ARHGEF37: variants seen among roughly 807,000 people sequenced by gnomAD.
The protein encoded by ARHGEF37 is Rho guanine nucleotide exchange factor 37.
A neutral mutation model predicts 71.1 loss-of-function variants in ARHGEF37; 55 were observed. The ratio of observed to expected loss-of-function variants is 0.77; its 90% CI spans 0.62 to 0.97. ARHGEF37 has a LOEUF of 0.97. Ranked by LOEUF, ARHGEF37 falls within the 50% of genes least tolerant of loss-of-function variation. The pLI is 0.00. For missense variants in ARHGEF37, 765 were observed against 836.8 expected, an observed-to-expected ratio of 0.91 and a Z score of 1.06; for synonymous variants, 327 against 350.6, an observed-to-expected ratio of 0.93 and a Z score of 0.75.
At chr5:149,570,745 G>A (rs544573761) in intron 1 of ARHGEF37, among the ~76,000 whole-genome samples, 2 of 150,760 alleles carry the variant, frequency 1.3e-5, no homozygotes, top group Non-Finnish European at 3.0e-5. Context: ...GCGTGGTGGT[G>A]TGCACCTGTA....
intron 1 of ARHGEF37, among the ~76,000 whole-genome samples, chr5:149,572,437 T>C (rs1580884931): frequency 6.6e-6 from 1 of 152,302 alleles, no homozygotes; most frequent in Non-Finnish European, 1.5e-5. Context: ...GGTTGATGCA[T>C]TTTCAGTTGT....
At chr5:149,570,703 C>T (rs1762952964) in intron 1 of ARHGEF37, among the ~76,000 whole-genome samples, 1 of 150,846 alleles carries the variant, frequency 6.6e-6, no homozygotes, top group Non-Finnish European at 1.5e-5. Context: ...TGGTGAAACC[C>T]CGTCTCTACT....
chr5:149,611,150 T>G (rs1363098335), intron 4 of ARHGEF37, among the ~76,000 whole-genome samples: 1 of 152,198 alleles, frequency 6.6e-6, no homozygotes, highest in Non-Finnish European at 1.5e-5. Context: ...GCTTGGCATC[T>G]AGAGGTCTTA....
chr5:149,625,990 C>T (rs900320010), intron 10 of ARHGEF37, among the ~76,000 whole-genome samples: 1 of 152,200 alleles, frequency 6.6e-6, no homozygotes, highest in African/African-American at 2.4e-5. Flanking sequence ...CTTATACTCA[C>T]ATGCATATCA....
At chr5:149,567,446 A>G (rs1762910725) in intron 1 of ARHGEF37, among the ~76,000 whole-genome samples, 1 of 152,174 alleles carries the variant, frequency 6.6e-6, no homozygotes, top group Non-Finnish European at 1.5e-5. Flanking sequence ...GTGGCAAGGT[A>G]TTTTGAGACT....
At chr5:149,617,599 A>G (rs1173548633) in intron 5 of ARHGEF37, among the ~76,000 whole-genome samples, 1 of 152,262 alleles carries the variant, frequency 6.6e-6, no homozygotes, top group African/African-American at 2.4e-5. Context: ...ACAGTCAGGT[A>G]AAATGAGAGC....
intron 1 of ARHGEF37, among the ~76,000 whole-genome samples, chr5:149,569,173 C>T (rs915959737): frequency 2.0e-5 from 3 of 151,792 alleles, no homozygotes; most frequent in Non-Finnish European, 4.4e-5. Context: ...AAAATTTTGG[C>T]TATTATAAAT....
At position 149,632,550 on chromosome 5, in the gene ARHGEF37, C is replaced by T. The variant is rs561832496; in HGVS notation, c.*359C>T. ...GGCCTGCCTGTGGGCGTGGGTCACA[C>T]GGGATAATGTTACCTGCGTGCTGTG... is the stretch of plus-strand genomic sequence containing the variant. On this transcript the variant is annotated 3_prime_UTR_variant, in exon 13 of 13. Coordinates refer to ENST00000333677, the MANE Select transcript of ARHGEF37 (RefSeq NM_001001669.3). 5 of 266,236 alleles carry T rather than the reference C, an allele frequency of 1.9e-5. No homozygotes were observed. Among genetic ancestry groups the T allele is most frequent in the East Asian group, 1.5e-4 (2 of 13,430 alleles). 16.5% of individuals were successfully genotyped at this position (266,236 alleles called of 1,614,324 possible). A position where few individuals can be genotyped will look rare whatever the true frequency, so the allele number is the denominator to read the frequency against.
rs1381230041 is a variant in ARHGEF37 at position 149,601,199 on chromosome 5, C to A, written c.278C>A (p.Ala93Asp). The A allele has an allele frequency of 6.2e-7, 1 of 1,612,760 alleles. No individual in the cohort carries two copies. The change falls in exon 3 of 13, where the codon GCC becomes GAC. Residue 93 changes from alanine to aspartate, a missense_variant. Ala to Asp is a moderately radical substitution (Grantham distance 126, BLOSUM62 -2). Around this residue, in one of 5 missense-constraint regions of ARHGEF37, gnomAD observed 201 missense variants for 217.5 expected, o/e 0.92. Coordinates refer to ENST00000333677, the MANE Select transcript of ARHGEF37 (RefSeq NM_001001669.3). ...TTCCTCCATGATCTGCAGGAGACAG[C>A]CTCCAAGGAAGAGGAACAAGTGCAG... ...SRFLHDLQET[A>D]SKEEEQVQLV...
At chr5:149,595,175 C>T (rs752012534) in intron 1 of ARHGEF37, among the ~76,000 whole-genome samples, 36 of 151,952 alleles carry the variant, frequency 2.4e-4, no homozygotes, top group Non-Finnish European at 4.1e-4. Flanking sequence ...TTTGTTTGTT[C>T]GTTTGTTTGT....
chr5:149,607,091 C>G (rs186532407), intron 3 of ARHGEF37, among the ~76,000 whole-genome samples: 1 of 152,202 alleles, frequency 6.6e-6, no homozygotes. Context: ...TTAGTAGAGA[C>G]GGGGTTTCGC....
At chr5:149,573,057 C>G (rs1448715453) in intron 1 of ARHGEF37, among the ~76,000 whole-genome samples, 1 of 152,136 alleles carries the variant, frequency 6.6e-6, no homozygotes, top group Non-Finnish European at 1.5e-5. Flanking sequence ...TAGACACATG[C>G]AAAGAGAGAA....
rs745720450 is a variant in ARHGEF37 at position 149,632,153 on chromosome 5, C to T, written c.1990C>T (p.Arg664Trp). ...YVPSGFLARA[R>W]SPVLWGWSLP... ...GCCTTCTGGCTTCTTGGCCAGGGCT[C>T]GGAGCCCAGTTCTGTGGGGCTGGAG... The change falls in exon 13 of 13, where the codon CGG (arginine) becomes TGG (tryptophan). Residue 664 changes from arginine to tryptophan, a missense_variant. Arg to Trp is a moderately radical substitution (Grantham distance 101). This residue lies in a region of ARHGEF37 where 390 missense variants were observed against 407.4 expected (regional missense o/e 0.96). Coordinates refer to ENST00000333677, the MANE Select transcript of ARHGEF37 (RefSeq NM_001001669.3). The T allele has an allele frequency of 2.4e-5, 39 of 1,614,104 alleles. No homozygotes were observed. The highest frequency in any genetic ancestry group is 6.7e-5 in the Admixed American group (4 of 60,012).
At chr5:149,568,738 G>T (rs1762927748) in intron 1 of ARHGEF37, among the ~76,000 whole-genome samples, 1 of 151,256 alleles carries the variant, frequency 6.6e-6, no homozygotes, top group Non-Finnish European at 1.5e-5. Flanking sequence ...CTGGCACCTG[G>T]GAGGCAGAGG....
intron 1 of ARHGEF37, among the ~76,000 whole-genome samples, chr5:149,595,052 G>T (rs1346567357): frequency 6.6e-6 from 1 of 152,216 alleles, no homozygotes; most frequent in African/African-American, 2.4e-5. Context: ...GTTTGTGGTT[G>T]CCAAGGATTA....
At chr5:149,581,169 T>C (rs1313870078), upstream of ARHGEF37, among the ~76,000 whole-genome samples, 1 of 152,164 alleles carries the variant, frequency 6.6e-6, no homozygotes, top group East Asian at 1.9e-4. Context: ...AGCAAAGGTA[T>C]CCAGTAATAC....
chr5:149,631,114 A>G (rs1752865856), intron 12 of ARHGEF37, among the ~76,000 whole-genome samples: 1 of 148,664 alleles, frequency 6.7e-6, no homozygotes, highest in South Asian at 2.1e-4. Context: ...AGTTCAATTT[A>G]TTTTTCTTTC....
intron 1 of ARHGEF37, among the ~76,000 whole-genome samples, chr5:149,558,507 C>T (rs1041795235): frequency 6.6e-6 from 1 of 151,828 alleles, no homozygotes; most frequent in African/African-American, 2.4e-5. Flanking sequence ...CTCAGTCCCC[C>T]TCTCACCAAA....
chr5:149,600,604 C>T lies in ARHGEF37; in HGVS notation c.187-504C>T, dbSNP rs114446240. 2.2e-3 allele frequency among the ~76,000 whole-genome samples: 329 copies of T among 152,134 alleles called. 2 individuals carry two copies. The highest frequency in any genetic ancestry group is 7.2e-3 in the African/African-American group (300 of 41,508). Reference sequence around the variant, plus strand: ...AGCTTTTCTTCCCCACTGAGTACTCCGTCTGTTCCTCTCTTCTTGTAGAGT... The same window carrying T: ...AGCTTTTCTTCCCCACTGAGTACTCTGTCTGTTCCTCTCTTCTTGTAGAGT... On this transcript the variant is annotated intron_variant, in intron 2 of 12. Coordinates refer to ENST00000333677, the MANE Select transcript of ARHGEF37 (RefSeq NM_001001669.3).
Sources: allele counts gnomAD v4.1 joint callset (sites outside exome capture counted in the v4.1 genomes callset), GRCh38; gene constraint gnomAD v4.1.1; regional missense constraint gnomAD v4.1.1; transcripts MANE v1.5; gene names NCBI Gene and HGNC (gene_info 2026-07-23, HGNC 2026-07-21).